Variants in EPHA3 observed in about 807,000 individuals in gnomAD.
The protein encoded by EPHA3 is EPH receptor A3, also known as ephrin type-A receptor 3.
In EPHA3, 42 loss-of-function variants were observed where a neutral mutation model predicts 107.1. The ratio of observed to expected loss-of-function variants is 0.39; its 90% CI spans 0.31 to 0.51. The LOEUF is 0.51. Among genes scored for constraint, EPHA3 ranks in the 20% least tolerant of loss-of-function variants. The pLI is 0.78. For missense variants in EPHA3, 1,183 were observed against 1,211.2 expected, an observed-to-expected ratio of 0.98 and a Z score of 0.35; for synonymous variants, 461 against 424.8, an observed-to-expected ratio of 1.09 and a Z score of -1.05.
At chr3:89,473,743 TTA>T (rs1188946183) in intron 16 of EPHA3, among the ~76,000 whole-genome samples, 7 of 152,158 alleles carry the variant, frequency 4.6e-5, no homozygotes, top group Admixed American at 6.6e-5. Context: ...AGTCATATGT[TTA>T]CTAGTATCTA....
At chr3:89,136,843 T>A (rs1268033276) in intron 2 of EPHA3, among the ~76,000 whole-genome samples, 1 of 151,924 alleles carries the variant, frequency 6.6e-6, no homozygotes, top group Non-Finnish European at 1.5e-5. Flanking sequence ...TTTGCTATAA[T>A]CATTCTTTAT....
intron 11 of EPHA3, among the ~76,000 whole-genome samples, chr3:89,422,362 C>T (rs976754020): frequency 1.3e-5 from 2 of 151,374 alleles, no homozygotes; most frequent in African/African-American, 4.8e-5. Flanking sequence ...TGCACACACA[C>T]ACACACAACT....
chr3:89,313,969 GAAGT>G (rs1474006141), intron 3 of EPHA3, among the ~76,000 whole-genome samples: 1 of 151,780 alleles, frequency 6.6e-6, no homozygotes, highest in Non-Finnish European at 1.5e-5. Context: ...GAATAACTTA[GAAGT>G]AAGTTAATTT....
intron 3 of EPHA3, among the ~76,000 whole-genome samples, chr3:89,249,061 T>C (rs1705102593): frequency 6.6e-6 from 1 of 152,204 alleles, no homozygotes; most frequent in Non-Finnish European, 1.5e-5. Flanking sequence ...GTCCAGAGGG[T>C]AGTTCTTACC....
intron 3 of EPHA3, among the ~76,000 whole-genome samples, chr3:89,339,596 T>G (rs1384297788): frequency 1.3e-5 from 2 of 152,180 alleles, no homozygotes; most frequent in African/African-American, 4.8e-5. Flanking sequence ...GTATTTCCCT[T>G]GTCTTATTTT....
At chr3:89,135,487 CAAATA>C (rs1377362950) in intron 2 of EPHA3, among the ~76,000 whole-genome samples, 1 of 152,036 alleles carries the variant, frequency 6.6e-6, no homozygotes, top group Non-Finnish European at 1.5e-5. Flanking sequence ...AGAGCTTTCC[CAAATA>C]AGAGAGCTAA....
At position 89,210,220 on chromosome 3, in the gene EPHA3, G is replaced by T; in HGVS notation, c.514G>T (p.Gly172Cys). The part of the protein sequence containing the change: ...LKLNTEIREV[G>C]PVNKKGFYLA... The stretch of plus-strand genomic sequence containing the variant: ...GCTCAACACTGAGATTAGAGAAGTA[G>T]GTCCTGTCAACAAGAAGGGATTTTA... The change falls in exon 3 of 17, where the codon GGT becomes TGT. Residue 172 changes from glycine to cysteine, a missense_variant. By Grantham distance (159) the Gly-to-Cys change is radical. Transcript: ENST00000336596. 1 of 1,614,034 alleles carries T rather than the reference G, an allele frequency of 6.2e-7. No homozygotes were observed. Among genetic ancestry groups the T allele is most frequent in the Non-Finnish European group, 8.5e-7 (1 of 1,179,958 alleles).
At chr3:89,317,734 T>C (rs1361800130) in intron 3 of EPHA3, among the ~76,000 whole-genome samples, 2 of 151,758 alleles carry the variant, frequency 1.3e-5, no homozygotes, top group Non-Finnish European at 2.9e-5. Flanking sequence ...CCATTCAATA[T>C]ATAAAAGTTA....
chr3:89,321,315 T>C (rs1707039494), intron 3 of EPHA3, among the ~76,000 whole-genome samples: 1 of 150,664 alleles, frequency 6.6e-6, no homozygotes, highest in Admixed American at 6.6e-5. Flanking sequence ...ACAGTGCCGA[T>C]CAGAAGTAAT....
At chr3:89,162,905 A>T (rs1427935464) in intron 2 of EPHA3, among the ~76,000 whole-genome samples, 1 of 152,226 alleles carries the variant, frequency 6.6e-6, no homozygotes, top group African/African-American at 2.4e-5. Context: ...GTCTGCTGAC[A>T]GCATCCCAGC....
chr3:89,292,426 A>G (rs1426518950), intron 3 of EPHA3, among the ~76,000 whole-genome samples: 3 of 152,170 alleles, frequency 2.0e-5, no homozygotes, highest in African/African-American at 7.2e-5. Flanking sequence ...CTGGACATCC[A>G]CGAATTTTGG....
intron 2 of EPHA3, among the ~76,000 whole-genome samples, chr3:89,155,214 T>C (rs1409535322): frequency 6.6e-6 from 1 of 151,928 alleles, no homozygotes; most frequent in Non-Finnish European, 1.5e-5. Context: ...ATAATGATCT[T>C]GTACATTTTT....
At chr3:89,189,022 T>C (rs1370501072) in intron 2 of EPHA3, among the ~76,000 whole-genome samples, 1 of 152,210 alleles carries the variant, frequency 6.6e-6, no homozygotes, top group East Asian at 1.9e-4. Context: ...TTCTCTCATG[T>C]GCTATCTAGA....
chr3:89,378,744 G>A (rs1708447986), intron 5 of EPHA3, among the ~76,000 whole-genome samples: 1 of 152,098 alleles, frequency 6.6e-6, no homozygotes, highest in Non-Finnish European at 1.5e-5. Flanking sequence ...AAAGAAACAA[G>A]TATTGCTGTA....
Position 89,466,547 on chromosome 3 carries a change from A to T in EPHA3, c.2691-5917A>T, listed in dbSNP as rs1297768394. On this transcript the variant is annotated intron_variant, in intron 15 of 16. Coordinates refer to ENST00000336596, the MANE Select transcript of EPHA3 (RefSeq NM_005233.6). ...ATAGTCTTGTGGTGCGCCGTTTCTT[A>T]AGCCGGTCTGAAAAGCGCAATATTC... 4.5e-5 allele frequency among the ~76,000 whole-genome samples: 6 copies of T among 133,030 alleles called. No individual in the cohort carries two copies. In the East Asian group the frequency reaches 1.2e-3, roughly 27 times the overall value. The allele number at this position is 133,030 out of a possible 152,430, so 87.3% of individuals were successfully genotyped here. A position where few individuals can be genotyped will look rare whatever the true frequency, so the allele number is the denominator to read the frequency against.
At chr3:89,160,491 G>T (rs956034363) in intron 2 of EPHA3, among the ~76,000 whole-genome samples, 1 of 150,664 alleles carries the variant, frequency 6.6e-6, no homozygotes, top group Non-Finnish European at 1.5e-5. Context: ...ATAAATAACT[G>T]TTCATAAGTA....
At chr3:89,460,976 C>T (rs1327996776) in intron 15 of EPHA3, among the ~76,000 whole-genome samples, 1 of 120,640 alleles carries the variant, frequency 8.3e-6, no homozygotes, top group African/African-American at 3.3e-5. Flanking sequence ...TCCCTCCCCC[C>T]TCCCCCGACC....
chr3:89,310,800 T>A (rs1373462843), intron 3 of EPHA3, among the ~76,000 whole-genome samples: 1 of 152,002 alleles, frequency 6.6e-6, no homozygotes, highest in South Asian at 2.1e-4. Context: ...AGCTAGATAA[T>A]TTAATTGGAA....
intron 2 of EPHA3, among the ~76,000 whole-genome samples, chr3:89,141,781 A>G (rs1704437689): frequency 6.6e-6 from 1 of 151,642 alleles, no homozygotes; most frequent in South Asian, 2.1e-4. Context: ...ATCTATGTAT[A>G]CATCTACACA....
Sources: allele counts gnomAD v4.1 joint callset (sites outside exome capture counted in the v4.1 genomes callset), GRCh38; gene constraint gnomAD v4.1.1; transcripts MANE v1.5; gene names NCBI Gene and HGNC (gene_info 2026-07-23, HGNC 2026-07-21).